Variants in CALN1 observed in about 807,000 individuals in gnomAD.
CALN1 encodes calcium-binding protein 8.
Under a neutral mutation model 30.6 loss-of-function variants are expected in CALN1, and 17 were observed. The ratio of observed to expected loss-of-function variants is 0.56; its 90% CI spans 0.38 to 0.83. The LOEUF is 0.83. Among genes scored for constraint, CALN1 ranks in the 40% least tolerant of loss-of-function variants. The pLI, the probability that CALN1 is intolerant of heterozygous loss-of-function variation, is 0.00. For missense variants in CALN1, 291 were observed against 354.9 expected (o/e 0.82, Z 1.45); for synonymous variants, 156 against 131.4 (o/e 1.19, Z -1.28).
At chr7:71,804,743 C>T (rs1787507307) in intron 6 of CALN1, among the ~76,000 whole-genome samples, 1 of 152,110 alleles carries the variant, frequency 6.6e-6, no homozygotes, top group African/African-American at 2.4e-5. Flanking sequence ...GGGCAGATCA[C>T]TTGAGGTCAG....
intron 5 of CALN1, among the ~76,000 whole-genome samples, chr7:71,869,227 TG>T (rs1296793683): frequency 5.7e-4 from 86 of 152,090 alleles, no homozygotes; most frequent in African/African-American, 2.0e-3. Flanking sequence ...TTTTTTTTTT[TG>T]AGATGGAGTT....
intron 2 of CALN1, among the ~76,000 whole-genome samples, chr7:72,279,525 C>T (rs1314617073): frequency 2.0e-5 from 3 of 152,210 alleles, no homozygotes; most frequent in Non-Finnish European, 4.4e-5. Flanking sequence ...AAAGTTAAAG[C>T]ATCCTTCTAC....
the CALN1 span, among the ~76,000 whole-genome samples, chr7:72,484,453 G>A: frequency 1.6e-4 from 24 of 152,124 alleles, no homozygotes; most frequent in South Asian, 4.1e-4. Flanking sequence ...TGGCTGGTGG[G>A]AACAGGCACT....
chr7:72,215,927 G>A (rs1792771053), intron 3 of CALN1, among the ~76,000 whole-genome samples: 1 of 152,140 alleles, frequency 6.6e-6, no homozygotes, highest in Non-Finnish European at 1.5e-5. Context: ...TGCTGCAGAG[G>A]TAAGCATGGG....
intron 5 of CALN1, among the ~76,000 whole-genome samples, chr7:71,839,794 C>T (rs982797399): frequency 6.6e-6 from 1 of 152,116 alleles, no homozygotes; most frequent in African/African-American, 2.4e-5. Flanking sequence ...TACAAATGAT[C>T]CAGGAAACAA....
At chr7:71,830,461 C>T (rs555466617) in intron 5 of CALN1, among the ~76,000 whole-genome samples, 5 of 152,242 alleles carry the variant, frequency 3.3e-5, no homozygotes, top group African/African-American at 1.2e-4. Flanking sequence ...AATTTTCCTG[C>T]CTCAGCCTCC....
intron 3 of CALN1, among the ~76,000 whole-genome samples, chr7:72,254,835 C>A (rs1046557735): frequency 5.3e-5 from 8 of 152,210 alleles, no homozygotes; most frequent in African/African-American, 1.9e-4. Flanking sequence ...GGTGCCATCT[C>A]GGCTCACTGC....
At chr7:72,299,356 T>C (rs1799088674) in intron 2 of CALN1, among the ~76,000 whole-genome samples, 1 of 152,044 alleles carries the variant, frequency 6.6e-6, no homozygotes, top group Non-Finnish European at 1.5e-5. Flanking sequence ...CAGTAAAGCA[T>C]GAACACAATA....
At chr7:72,300,608 A>G (rs1035224867) in intron 2 of CALN1, among the ~76,000 whole-genome samples, 1 of 152,218 alleles carries the variant, frequency 6.6e-6, no homozygotes, top group African/African-American at 2.4e-5. Context: ...CTTCTCTCCT[A>G]AAATTCTATT....
chr7:72,009,741 T>C (rs893315698), intron 5 of CALN1, among the ~76,000 whole-genome samples: 2 of 152,220 alleles, frequency 1.3e-5, no homozygotes, highest in African/African-American at 4.8e-5. Context: ...GATGGTTTTA[T>C]AACGGGTTTC....
At chr7:72,415,787 G>A (rs1164871034), upstream of CALN1, among the ~76,000 whole-genome samples, 1 of 152,162 alleles carries the variant, frequency 6.6e-6, no homozygotes, top group Non-Finnish European at 1.5e-5. Context: ...TGAGGGTACG[G>A]GGGGCGCGGG....
At chr7:72,205,584 ATATT>A (rs1791814998) in intron 3 of CALN1, among the ~76,000 whole-genome samples, 1 of 133,690 alleles carries the variant, frequency 7.5e-6, no homozygotes, top group Admixed American at 7.8e-5. Context: ...ATATATATAT[ATATT>A]CAGGAGAAAC....
At chr7:72,095,035 T>C (rs916767041) in intron 4 of CALN1, among the ~76,000 whole-genome samples, 3 of 152,188 alleles carry the variant, frequency 2.0e-5, no homozygotes, top group African/African-American at 7.2e-5. Context: ...CAATGTCCTG[T>C]TGTCACCCTC....
chr7:72,196,432 T>C (rs550322), intron 3 of CALN1, among the ~76,000 whole-genome samples: 1,540 of 152,330 alleles, frequency 0.01, 24 homozygotes, highest in African/African-American at 0.035. Flanking sequence ...AGTTTCTTTA[T>C]GGAGCAACAA....
chr7:72,013,229 T>C (rs1800187187), intron 5 of CALN1, among the ~76,000 whole-genome samples: 1 of 151,176 alleles, frequency 6.6e-6, no homozygotes, highest in South Asian at 2.1e-4. Context: ...TTGGATAATG[T>C]AATTTTGCTA....
chr7:71,962,558 A>G (rs1272512927), intron 5 of CALN1, among the ~76,000 whole-genome samples: 1 of 152,204 alleles, frequency 6.6e-6, no homozygotes, highest in Non-Finnish European at 1.5e-5. Flanking sequence ...GAGAGTGAAT[A>G]TTTCCCCTCA....
At chr7:72,030,660 T>G (rs192091488) in intron 4 of CALN1, among the ~76,000 whole-genome samples, 2 of 152,264 alleles carry the variant, frequency 1.3e-5, no homozygotes, top group East Asian at 3.9e-4. Context: ...TGAAGCAAGG[T>G]CCAGGAAACC....
intron 3 of CALN1, among the ~76,000 whole-genome samples, chr7:72,246,248 G>C (rs182631817): frequency 6.6e-6 from 1 of 152,238 alleles, no homozygotes; most frequent in Non-Finnish European, 1.5e-5. Flanking sequence ...TAGAACTGAG[G>C]TTTCTTTCTT....
chr7:72,032,298 G>C (rs1801507052), intron 4 of CALN1, among the ~76,000 whole-genome samples: 1 of 148,814 alleles, frequency 6.7e-6, no homozygotes, highest in African/African-American at 2.5e-5. Flanking sequence ...CGCCCGCCTT[G>C]GCCTCCCAAA....
Sources: gnomAD v4.1 joint callset for allele counts (sites outside exome capture counted in the v4.1 genomes callset) on GRCh38, gnomAD v4.1.1 for gene constraint, MANE v1.5 for transcripts, NCBI Gene and HGNC (gene_info 2026-07-23, HGNC 2026-07-21) for gene names.